Variants in PKP4 observed in about 807,000 individuals in gnomAD.
PKP4 encodes plakophilin-4.
A neutral mutation model predicts 145.1 loss-of-function variants in PKP4; 90 were observed. The observed-to-expected ratio is 0.62, with a 90% CI of 0.52 to 0.74. The LOEUF is 0.74. Ranked by LOEUF, PKP4 falls within the 30% of genes least tolerant of loss-of-function variation. The pLI, the probability that PKP4 is intolerant of heterozygous loss-of-function variation, is 0.00. For synonymous variants in PKP4, 563 were observed against 577.2 expected, an observed-to-expected ratio of 0.98 and a Z score of 0.35; for missense variants, 1,340 against 1,482.7, an observed-to-expected ratio of 0.90 and a Z score of 1.58.
chr2:158,482,616 G>A (rs189017789), intron 1 of PKP4, among the ~76,000 whole-genome samples: 57 of 152,238 alleles, frequency 3.7e-4, no homozygotes, highest in African/African-American at 1.2e-3. Flanking sequence ...TGGGAGAATT[G>A]CTTGAACCCA....
chr2:158,599,089 T>C (rs2050015669), intron 3 of PKP4, among the ~76,000 whole-genome samples: 1 of 152,162 alleles, frequency 6.6e-6, no homozygotes, highest in South Asian at 2.1e-4. Flanking sequence ...GATGTTTGCA[T>C]TTTATCCTGT....
At chr2:158,477,368 CT>C (rs1692647941) in intron 1 of PKP4, among the ~76,000 whole-genome samples, 1 of 152,134 alleles carries the variant, frequency 6.6e-6, no homozygotes. Context: ...GACTTTGCTT[CT>C]CCTCTCCCCT....
At chr2:158,678,943 T>A in intron 21 of PKP4, 1 of 432,806 alleles carries the variant, frequency 2.3e-6, no homozygotes, top group Non-Finnish European at 4.2e-6. Context: ...CTCTTCCCAC[T>A]CTTTTTCTGT....
rs553809852 is a variant in PKP4, at chr2:158,642,888, A to G, written c.1909+189A>G. 1.8e-3 allele frequency among the ~76,000 whole-genome samples: 280 copies of G among 152,364 alleles called. 1 individual carries two copies. Among genetic ancestry groups the G allele is most frequent in the Non-Finnish European group, 3.7e-3 (251 of 68,036 alleles). ...GTCAGAAACCGTTTAGAATGCAGTC[A>G]TCTCTATTAGTATAAGTTATTGTAC... On this transcript the variant is annotated intron_variant, in intron 11 of 21. Transcript: ENST00000389759.
intron 20 of PKP4, among the ~76,000 whole-genome samples, chr2:158,678,241 G>C (rs766310533): frequency 1.3e-5 from 2 of 152,206 alleles, no homozygotes; most frequent in Non-Finnish European, 2.9e-5. Context: ...TCAGGATCCC[G>C]TGCTGCTGTC....
At chr2:158,506,657 C>G (rs2041006992) in intron 1 of PKP4, among the ~76,000 whole-genome samples, 1 of 152,160 alleles carries the variant, frequency 6.6e-6, no homozygotes, top group Non-Finnish European at 1.5e-5. Context: ...AGAATTGACA[C>G]AATAAATCTC....
chr2:158,661,260 CTTAAGG>C, intron 12 of PKP4, 67 bp from the exon 13 acceptor site: 4 of 1,122,430 alleles, frequency 3.6e-6, no homozygotes, highest in South Asian at 2.5e-5. Flanking sequence ...CTCTCAGATC[CTTAAGG>C]TTAAGTCCAC....
At chr2:158,633,827 T>G (rs1187110337) in intron 8 of PKP4, among the ~76,000 whole-genome samples, 2 of 152,236 alleles carry the variant, frequency 1.3e-5, no homozygotes, top group African/African-American at 4.8e-5. Context: ...GAACATACTA[T>G]ATAAGCAGAT....
chr2:158,606,717 T>C (rs895083577), intron 4 of PKP4, among the ~76,000 whole-genome samples: 7 of 152,346 alleles, frequency 4.6e-5, no homozygotes. Context: ...TTTCATGTAA[T>C]ATAAAATTCT....
intron 1 of PKP4, among the ~76,000 whole-genome samples, chr2:158,506,225 C>G (rs2040964244): frequency 1.3e-5 from 2 of 152,146 alleles, no homozygotes. Flanking sequence ...CAGTGCAGTC[C>G]TTGATGTTAA....
rs556191630 is a variant in PKP4, at chr2:158,502,665, A to G, written c.-5-30515A>G. Among the ~76,000 whole-genome samples the G allele has an allele frequency of 2.0e-5, 3 of 152,256 alleles. No homozygotes were observed. In the South Asian group the frequency reaches 6.2e-4, roughly 32 times the overall value. On this transcript the variant is annotated intron_variant, in intron 1 of 21. Transcript: ENST00000389759. ...TAGCACAACTAGTCTGTAAAACATA[A>G]ATTTTCCAAGTCACCTTTAGGGAAC...
chr2:158,539,853 A>G (rs1398142587), intron 2 of PKP4, among the ~76,000 whole-genome samples: 1 of 152,216 alleles, frequency 6.6e-6, no homozygotes, highest in Non-Finnish European at 1.5e-5. Context: ...CTCTCAGGAG[A>G]TCAGTCCTCT....
At chr2:158,600,748 G>C (rs2105844216) in intron 3 of PKP4, among the ~76,000 whole-genome samples, 1 of 152,146 alleles carries the variant, frequency 6.6e-6, no homozygotes, top group Non-Finnish European at 1.5e-5. Context: ...GAAAGTAGTT[G>C]GGCTGAATAG....
chr2:158,482,400 C>T (rs565913592), intron 1 of PKP4, among the ~76,000 whole-genome samples: 14 of 152,312 alleles, frequency 9.2e-5, no homozygotes, highest in African/African-American at 3.4e-4. Context: ...CCTCCTGCTT[C>T]AGCCTCCATT....
chr2:158,600,715 C>T (rs1042646202), intron 3 of PKP4, among the ~76,000 whole-genome samples: 11 of 152,276 alleles, frequency 7.2e-5, no homozygotes, highest in African/African-American at 2.4e-4. Context: ...CCAGTTATTT[C>T]TCAGAATTAT....
At chr2:158,519,893 A>G (rs1392321526) in intron 1 of PKP4, among the ~76,000 whole-genome samples, 2 of 151,918 alleles carry the variant, frequency 1.3e-5, no homozygotes, top group African/African-American at 4.8e-5. Flanking sequence ...TATACCCTTA[A>G]CATTCCAGGT....
intron 3 of PKP4, among the ~76,000 whole-genome samples, chr2:158,583,130 C>A (rs1438518861): frequency 6.6e-6 from 1 of 152,216 alleles, no homozygotes; most frequent in African/African-American, 2.4e-5. Flanking sequence ...ATGTCTCCCA[C>A]GGGCTAAGCA....
intron 1 of PKP4, among the ~76,000 whole-genome samples, chr2:158,532,846 A>G (rs545381388): frequency 6.6e-6 from 1 of 152,294 alleles, no homozygotes; most frequent in South Asian, 2.1e-4. Flanking sequence ...TTTAGGTTTT[A>G]AACTCTTTTT....
intron 1 of PKP4, among the ~76,000 whole-genome samples, chr2:158,523,678 T>A (rs2042657681): frequency 7.5e-6 from 1 of 133,358 alleles, no homozygotes; most frequent in Non-Finnish European, 1.6e-5. Flanking sequence ...ACGATCAAAT[T>A]ACTCTGAGCT....
Sources: allele counts gnomAD v4.1 joint callset (sites outside exome capture counted in the v4.1 genomes callset), GRCh38; gene constraint gnomAD v4.1.1; transcripts MANE v1.5; gene names NCBI Gene and HGNC (gene_info 2026-07-23, HGNC 2026-07-21).